Variants in BTBD9 observed in about 807,000 individuals in gnomAD.
BTBD9 encodes BTB domain containing 9, also known as BTB/POZ domain-containing protein 9.
In BTBD9, 49 loss-of-function variants were observed where a neutral mutation model predicts 64.3. The observed-to-expected ratio is 0.76, with a 90% CI of 0.61 to 0.97. BTBD9 has a LOEUF of 0.97. Ranked by LOEUF, BTBD9 falls within the 50% of genes least tolerant of loss-of-function variation. The pLI, the probability that BTBD9 is intolerant of heterozygous loss-of-function variation, is 0.00. For missense variants in BTBD9, 598 were observed against 762.1 expected, an observed-to-expected ratio of 0.78 and a Z score of 2.53; for synonymous variants, 260 against 274.7, an observed-to-expected ratio of 0.95 and a Z score of 0.53.
Position 38,288,260 on chromosome 6 carries a change from G to A in BTBD9, c.1454+12C>T, listed in dbSNP as rs1310956600. The A allele has an allele frequency of 6.2e-7, 1 of 1,603,278 alleles. No homozygotes were observed. The highest frequency in any genetic ancestry group is 8.5e-7 in the Non-Finnish European group (1 of 1,171,704). ...CATTTTAAAACTTATGAATGAGGAGGAATCTTCTTACCGTATTGACCCAAT... is the reference window on the plus strand; with the variant it reads ...CATTTTAAAACTTATGAATGAGGAGAAATCTTCTTACCGTATTGACCCAAT... On this transcript the variant is annotated intron_variant, in intron 8 of 10. Coordinates refer to ENST00000481247, the MANE Select transcript of BTBD9 (RefSeq NM_001099272.2).
At chr6:38,287,564 G>C (rs1273475630) in intron 8 of BTBD9, among the ~76,000 whole-genome samples, 1 of 152,132 alleles carries the variant, frequency 6.6e-6, no homozygotes, top group Non-Finnish European at 1.5e-5. Context: ...ATAGTAACAT[G>C]CTGTACAGGT....
chr6:38,624,697 T>C (rs1438103144), intron 1 of BTBD9, among the ~76,000 whole-genome samples: 1 of 150,622 alleles, frequency 6.6e-6, no homozygotes. Flanking sequence ...AAAAAAACAC[T>C]GTAAGACAGA....
chr6:38,413,326 C>T (rs116340221), intron 6 of BTBD9, among the ~76,000 whole-genome samples: 2,303 of 152,212 alleles, frequency 0.015, 30 homozygotes, highest in Non-Finnish European at 0.021. Flanking sequence ...AGTGAGGCAG[C>T]GGGGGCTGTG....
intron 7 of BTBD9, among the ~76,000 whole-genome samples, chr6:38,326,091 TGAA>T (rs1763417235): frequency 6.6e-6 from 1 of 152,156 alleles, no homozygotes; most frequent in South Asian, 2.1e-4. Context: ...AAGCCTTTTC[TGAA>T]GAAGTGACAT....
At chr6:38,346,541 A>C (rs1356507854) in intron 6 of BTBD9, among the ~76,000 whole-genome samples, 1 of 149,842 alleles carries the variant, frequency 6.7e-6, no homozygotes, top group Non-Finnish European at 1.5e-5. Flanking sequence ...ACCAGAGCCC[A>C]CTGGTTAAGC....
intron 10 of BTBD9, among the ~76,000 whole-genome samples, chr6:38,177,083 C>A (rs1218537969): frequency 1.3e-5 from 2 of 152,224 alleles, no homozygotes; most frequent in Non-Finnish European, 2.9e-5. Flanking sequence ...CTTCCCCCTG[C>A]TGACACAGGA....
intron 6 of BTBD9, among the ~76,000 whole-genome samples, chr6:38,402,342 T>C (rs1304100184): frequency 6.6e-6 from 1 of 151,886 alleles, no homozygotes; most frequent in African/African-American, 2.4e-5. Context: ...GACAACCTGA[T>C]CCTAAAATTC....
At chr6:38,368,393 G>T (rs1765275052) in intron 6 of BTBD9, among the ~76,000 whole-genome samples, 1 of 152,076 alleles carries the variant, frequency 6.6e-6, no homozygotes, top group Non-Finnish European at 1.5e-5. Context: ...AGAGTGCAGT[G>T]GCGTGATCTC....
intron 4 of BTBD9, among the ~76,000 whole-genome samples, chr6:38,590,025 A>G (rs1055592274): frequency 6.6e-6 from 1 of 152,212 alleles, no homozygotes; most frequent in Non-Finnish European, 1.5e-5. Flanking sequence ...CCTAAAGAGT[A>G]ATGTGTTCCT....
intron 6 of BTBD9, chr6:38,566,167 A>G (rs1232708223): frequency 6.6e-6 from 1 of 152,236 alleles, no homozygotes; most frequent in Non-Finnish European, 1.5e-5. Flanking sequence ...CATATACTAC[A>G]TAATACCATT....
At chr6:38,335,254 AT>A (rs200450470) in intron 7 of BTBD9, among the ~76,000 whole-genome samples, 45,081 of 140,754 alleles carry the variant, frequency 0.32, 7,469 homozygotes, top group East Asian at 0.8. Context: ...TTAATTTTAA[AT>A]TTTTTTTTTT....
rs35755281 is a variant in BTBD9, at chr6:38,388,219, C to CAAAAA, written c.1155-43131_1155-43127dup. Among the ~76,000 whole-genome samples the CAAAAA allele has an allele frequency of 5.9e-5, 6 of 102,538 alleles. 1 individual carries two copies. In the South Asian group the frequency reaches 9.0e-4, roughly 15 times the overall value. The allele number at this position is 102,538 out of a possible 152,430, so 67.3% of individuals were successfully genotyped here. A position where few individuals can be genotyped will look rare whatever the true frequency, so the allele number is the denominator to read the frequency against. On this transcript the variant is annotated intron_variant, in intron 6 of 10. Transcript: ENST00000481247. ...ATGCTTCTGGTGTAACTGCCCCTGA[C>CAAAAA]AAAAAAAAAAAAAAAAAGTCTACTT...
rs1764589582 is a variant in BTBD9 at position 38,256,657 on chromosome 6, A to G, written c.1455-141T>C. The G allele has an allele frequency of 5.3e-5, 32 of 603,636 alleles. No homozygotes were observed. In the South Asian group the frequency reaches 6.4e-4, roughly 12 times the overall value. The allele number at this position is 603,636 out of a possible 1,614,324, so 37.4% of individuals were successfully genotyped here. A position where few individuals can be genotyped will look rare whatever the true frequency, so the allele number is the denominator to read the frequency against. ...CAAAGAAGGTGAATCCCAAAAAAGT[A>G]TGAAGAGAACAGGCAGAGTCAGTCT... is the stretch of plus-strand genomic sequence containing the variant. On this transcript the variant is annotated intron_variant, in intron 8 of 10. Transcript: ENST00000481247.
At chr6:38,214,137 C>T (rs909803407) in intron 9 of BTBD9, among the ~76,000 whole-genome samples, 2 of 152,192 alleles carry the variant, frequency 1.3e-5, no homozygotes, top group African/African-American at 4.8e-5. Flanking sequence ...CTAGATTTCT[C>T]TCAGGCTTAT....
intron 4 of BTBD9, among the ~76,000 whole-genome samples, chr6:38,581,761 G>C (rs79260624): frequency 2.0e-5 from 3 of 152,098 alleles, no homozygotes; most frequent in Non-Finnish European, 2.9e-5. Flanking sequence ...GGGTGGGGGG[G>C]AGACCATATC....
At chr6:38,368,275 T>A (rs975884013) in intron 6 of BTBD9, among the ~76,000 whole-genome samples, 1 of 152,174 alleles carries the variant, frequency 6.6e-6, no homozygotes, top group Non-Finnish European at 1.5e-5. Flanking sequence ...CCAATTTCCA[T>A]CCCTTTGGGG....
chr6:38,319,617 A>G (rs1562018955), intron 7 of BTBD9, among the ~76,000 whole-genome samples: 3 of 151,652 alleles, frequency 2.0e-5, no homozygotes, highest in Non-Finnish European at 1.5e-5. Context: ...AGGCCTCAGG[A>G]CTCTGCCCAG....
chr6:38,430,783 G>A (rs1000159937), intron 6 of BTBD9, among the ~76,000 whole-genome samples: 40 of 151,896 alleles, frequency 2.6e-4, no homozygotes, highest in African/African-American at 8.3e-4. Flanking sequence ...CCAAAGCGCT[G>A]GGATTACAGG....
chr6:38,374,296 T>TATAC lies in BTBD9; in HGVS notation c.1155-29204_1155-29203insGTAT, dbSNP rs1491482634. Among the ~76,000 whole-genome samples, 63 of 70,636 alleles carry TATAC rather than the reference T, an allele frequency of 8.9e-4. 1 individual carries two copies. Among genetic ancestry groups the TATAC allele is most frequent in the African/African-American group, 4.6e-3 (49 of 10,746 alleles). 46.3% of individuals were successfully genotyped at this position (70,636 alleles called of 152,430 possible). A position where few individuals can be genotyped will look rare whatever the true frequency, so the allele number is the denominator to read the frequency against. ...AAAAAAAAAAAAGTATATATATATA[T>TATAC]GTATATATATGTATATATATATATA... is the stretch of plus-strand genomic sequence containing the variant. On this transcript the variant is annotated intron_variant, in intron 6 of 10. Transcript: ENST00000481247.
Sources: allele counts gnomAD v4.1 joint callset (sites outside exome capture counted in the v4.1 genomes callset), GRCh38; gene constraint gnomAD v4.1.1; transcripts MANE v1.5; gene names NCBI Gene and HGNC (gene_info 2026-07-23, HGNC 2026-07-21).